The following STX18 variants were observed in gnomAD, a reference collection of about 807,000 sequenced individuals.
STX18 encodes the protein syntaxin 18.
In STX18, 40 loss-of-function variants were observed where a neutral mutation model predicts 50.1. The ratio of observed to expected loss-of-function variants is 0.80; its 90% CI spans 0.62 to 1.04. The LOEUF (loss-of-function observed/expected upper bound fraction) is 1.04, where lower values mean the gene tolerates loss of function less well. Ranked by LOEUF, STX18 falls within the 50% of genes least tolerant of loss-of-function variation. STX18 has a pLI of 0.00. For missense variants in STX18, 410 were observed against 415.8 expected, an observed-to-expected ratio of 0.99 and a Z score of 0.12; for synonymous variants, 158 against 151.8, an observed-to-expected ratio of 1.04 and a Z score of -0.30.
At chr4:4,462,438 G>A (rs956866828) in intron 2 of STX18, among the ~76,000 whole-genome samples, 7 of 152,328 alleles carry the variant, frequency 4.6e-5, no homozygotes, top group Non-Finnish European at 7.3e-5. Context: ...GATTGGGACT[G>A]GAACTTAGGT....
chr4:4,518,894 A>C (rs529186742), intron 1 of STX18, among the ~76,000 whole-genome samples: 1 of 152,334 alleles, frequency 6.6e-6, no homozygotes, highest in South Asian at 2.1e-4. Flanking sequence ...GAAACAAAAG[A>C]AAGCCTGGAA....
intron 6 of STX18, chr4:4,437,457 A>C (rs1161834611): frequency 4.8e-6 from 1 of 209,926 alleles, no homozygotes; most frequent in African/African-American, 2.3e-5. Flanking sequence ...AGCTTTCCAG[A>C]TTTTAGTTTT....
intron 6 of STX18, among the ~76,000 whole-genome samples, chr4:4,436,251 T>C (rs1013711384): frequency 1.3e-5 from 2 of 152,248 alleles, no homozygotes; most frequent in African/African-American, 4.8e-5. Context: ...ACTTAGTGCA[T>C]GCAGGCTTTT....
In STX18 at chr4:4,420,445, G is replaced by C. The variant is rs1724876897; in HGVS notation, c.913-316C>G. On this transcript the variant is annotated intron_variant, in intron 10 of 10. Transcript: ENST00000306200. This position sits in a 1 kb window ranked among gnomAD's most constrained non-coding sequence, Gnocchi z 4.3. ...CAAGCTTTGTGTTTCCCAGTAACAT[G>C]ATGTCCGTGGTGACCCAACCCTGAG... The C allele has an allele frequency of 2.4e-6, 1 of 418,412 alleles. No individual in the cohort carries two copies. The highest frequency in any genetic ancestry group is 4.4e-6 in the Non-Finnish European group (1 of 228,568). The allele number at this position is 418,412 out of a possible 1,614,324, so 25.9% of individuals were successfully genotyped here.
intron 1 of STX18, among the ~76,000 whole-genome samples, chr4:4,498,851 G>A (rs1208765269): frequency 1.3e-5 from 2 of 152,138 alleles, no homozygotes; most frequent in Non-Finnish European, 2.9e-5. Context: ...GAAGAATACA[G>A]AATTTCTTTC....
chr4:4,460,155 T>C (rs1171688011), intron 2 of STX18, among the ~76,000 whole-genome samples: 5 of 152,218 alleles, frequency 3.3e-5, no homozygotes, highest in African/African-American at 1.2e-4. Flanking sequence ...TTTCTTTTCT[T>C]GCCTGTCTCT....
chr4:4,456,132 T>C (rs1441842197), intron 5 of STX18, among the ~76,000 whole-genome samples: 3 of 151,490 alleles, frequency 2.0e-5, no homozygotes, highest in African/African-American at 4.9e-5. Context: ...AATTAAAAAA[T>C]AGGCAGACAT....
intron 1 of STX18, among the ~76,000 whole-genome samples, chr4:4,517,198 T>C (rs992549026): frequency 2.6e-5 from 4 of 152,208 alleles, no homozygotes; most frequent in Non-Finnish European, 4.4e-5. Context: ...ATTCTTCCCC[T>C]GATTCCCACC....
chr4:4,474,254 G>A (rs979957431), intron 1 of STX18, among the ~76,000 whole-genome samples: 1 of 152,150 alleles, frequency 6.6e-6, no homozygotes, highest in African/African-American at 2.4e-5. Context: ...ACAATGACTA[G>A]TTCATAAACT....
intron 1 of STX18, among the ~76,000 whole-genome samples, chr4:4,500,175 G>A (rs1235029575): frequency 6.6e-6 from 1 of 151,972 alleles, no homozygotes; most frequent in Non-Finnish European, 1.5e-5. Flanking sequence ...CAAAATATAA[G>A]GAGGAAAATA....
chr4:4,537,123 C>T (rs574059210), intron 1 of STX18, among the ~76,000 whole-genome samples: 1 of 152,158 alleles, frequency 6.6e-6, no homozygotes, highest in Non-Finnish European at 1.5e-5. Context: ...GGTAGCCCCC[C>T]CTGGCTCCTG....
At chr4:4,489,395 T>TC in intron 1 of STX18, among the ~76,000 whole-genome samples, 2 of 62,872 alleles carry the variant, frequency 3.2e-5, no homozygotes, top group Non-Finnish European at 5.3e-5. Context: ...AAAATAATTT[T>TC]TTTTTTTTTT....
At chr4:4,475,083 G>T (rs1015575415) in intron 1 of STX18, among the ~76,000 whole-genome samples, 1 of 152,164 alleles carries the variant, frequency 6.6e-6, no homozygotes, top group Non-Finnish European at 1.5e-5. Context: ...CTTTTAGTTA[G>T]TTCTATTCTA....
chr4:4,429,289 T>G (rs1725408972), intron 7 of STX18, among the ~76,000 whole-genome samples: 1 of 152,236 alleles, frequency 6.6e-6, no homozygotes. Context: ...CATTTAGAAG[T>G]CAGTTAGACT....
At chr4:4,459,748 G>A (rs967103547) in intron 2 of STX18, among the ~76,000 whole-genome samples, 16 of 152,192 alleles carry the variant, frequency 1.1e-4, no homozygotes, top group African/African-American at 3.9e-4. Context: ...GAGGGAGAAG[G>A]AGCGTGGAGT....
chr4:4,510,934 A>G (rs914485376), intron 1 of STX18, among the ~76,000 whole-genome samples: 9 of 151,732 alleles, frequency 5.9e-5, no homozygotes, highest in Non-Finnish European at 1.2e-4. Context: ...GTTCTCACTC[A>G]TAAGTGGGAA....
At chr4:4,467,176 A>T (rs901738123) in intron 2 of STX18, among the ~76,000 whole-genome samples, 4 of 152,208 alleles carry the variant, frequency 2.6e-5, no homozygotes, top group Non-Finnish European at 5.9e-5. Flanking sequence ...GCCTCTGGCT[A>T]CATGACTCCT....
At chr4:4,496,481 C>T (rs1355512337) in intron 1 of STX18, among the ~76,000 whole-genome samples, 1 of 152,136 alleles carries the variant, frequency 6.6e-6, no homozygotes, top group Non-Finnish European at 1.5e-5. Flanking sequence ...CCATCAGCCT[C>T]GCTCTTGGAT....
intron 1 of STX18, among the ~76,000 whole-genome samples, chr4:4,536,455 C>T (rs1300924365): frequency 2.0e-5 from 3 of 152,154 alleles, no homozygotes; most frequent in African/African-American, 4.8e-5. Flanking sequence ...GGCCACTTTA[C>T]GCAGGGCATT....
Sources: gnomAD v4.1 joint callset for allele counts (sites outside exome capture counted in the v4.1 genomes callset) on GRCh38, gnomAD v4.1.1 for gene constraint, Gnocchi (gnomAD v3.1) non-coding constraint, MANE v1.5 for transcripts, NCBI Gene and HGNC (gene_info 2026-07-23, HGNC 2026-07-21) for gene names.